Variants in WWOX observed in about 807,000 individuals in gnomAD.
WWOX encodes WW domain containing oxidoreductase.
A neutral mutation model predicts 46.2 loss-of-function variants in WWOX; 69 were observed. That is an observed-to-expected ratio of 1.49 (90% CI 1.23 to 1.82). The LOEUF (loss-of-function observed/expected upper bound fraction) is 1.82, where lower values mean the gene tolerates loss of function less well. Among genes scored for constraint, WWOX ranks in the 40% most tolerant of loss-of-function variants. WWOX has a pLI of 0.00. For synonymous variants in WWOX, 359 were observed against 202.6 expected (o/e 1.77, Z -6.56); for missense variants, 919 against 542.6 (o/e 1.69, Z -6.89).
intron 8 of WWOX, among the ~76,000 whole-genome samples, chr16:78,743,082 C>T (rs58213380): frequency 2.0e-5 from 3 of 152,050 alleles, no homozygotes; most frequent in Non-Finnish European, 4.4e-5. Context: ...CCCGATCAGC[C>T]CCCGAAGGAA....
At chr16:78,850,676 G>A (rs79002850) in intron 8 of WWOX, among the ~76,000 whole-genome samples, 3,696 of 152,192 alleles carry the variant, frequency 0.024, 147 homozygotes, top group African/African-American at 0.085. Context: ...GCCTCATCCA[G>A]GACCTACTTG....
chr16:78,620,370 A>C (rs1309407284), intron 8 of WWOX, among the ~76,000 whole-genome samples: 1 of 152,186 alleles, frequency 6.6e-6, no homozygotes. Context: ...TAGGTTTGAC[A>C]AGTTTCCTCC....
At chr16:78,528,037 C>T (rs369780793) in intron 8 of WWOX, among the ~76,000 whole-genome samples, 84 of 93,924 alleles carry the variant, frequency 8.9e-4, no homozygotes, top group African/African-American at 3.3e-3. Flanking sequence ...CTTGCTCTGT[C>T]GCCCAGGCTG....
At position 78,542,018 on chromosome 16, in the gene WWOX, CAAAAAAA is replaced by C. The variant is rs548366256; in HGVS notation, c.1056+109288_1056+109294del. On this transcript the variant is annotated intron_variant, in intron 8 of 8. Coordinates refer to ENST00000566780, the MANE Select transcript of WWOX (RefSeq NM_016373.4). ...GAGGGTTTCTTTCAACAGAGTATACCAAAAAAAAAAAAAAAAAAAAAAAAAAAAGTAA... is the reference window on the plus strand; with the variant it reads ...GAGGGTTTCTTTCAACAGAGTATACCAAAAAAAAAAAAAAAAAAAAAGTAA... Among the ~76,000 whole-genome samples, 309 of 40,638 alleles carry C rather than the reference CAAAAAAA, an allele frequency of 7.6e-3. 1 individual carries two copies. Among genetic ancestry groups the C allele is most frequent in the Middle Eastern group, 0.038 (1 of 26 alleles). The allele number at this position is 40,638 out of a possible 152,430, so 26.7% of individuals were successfully genotyped here.
intron 8 of WWOX, among the ~76,000 whole-genome samples, chr16:78,569,731 C>T (rs1029770858): frequency 2.0e-5 from 3 of 152,158 alleles, no homozygotes; most frequent in Admixed American, 6.5e-5. Flanking sequence ...CATTAGTGAA[C>T]GTTTTCATTT....
chr16:78,893,338 C>T (rs1389658989), intron 8 of WWOX, among the ~76,000 whole-genome samples: 1 of 152,126 alleles, frequency 6.6e-6, no homozygotes, highest in Admixed American at 6.5e-5. Context: ...TCGCCTGTCC[C>T]CTCTCACATG....
At chr16:78,443,135 CA>C (rs759618827) in intron 8 of WWOX, among the ~76,000 whole-genome samples, 159 of 40,286 alleles carry the variant, frequency 3.9e-3, no homozygotes, top group Admixed American at 5.8e-3. Context: ...GACTCCATCT[CA>C]AAAAAAAAAA....
At chr16:78,333,441 T>C (rs955115716) in intron 5 of WWOX, among the ~76,000 whole-genome samples, 1 of 152,192 alleles carries the variant, frequency 6.6e-6, no homozygotes, top group African/African-American at 2.4e-5. Context: ...TCATGGTATT[T>C]AGTGAGTGTA....
At chr16:78,557,971 G>A (rs2044347279) in intron 8 of WWOX, among the ~76,000 whole-genome samples, 1 of 152,008 alleles carries the variant, frequency 6.6e-6, no homozygotes, top group South Asian at 2.1e-4. Context: ...TGCAGAGCAG[G>A]AATTTCATTG....
chr16:78,607,665 C>G (rs1043072380), intron 8 of WWOX, among the ~76,000 whole-genome samples: 1 of 133,738 alleles, frequency 7.5e-6, no homozygotes, highest in Non-Finnish European at 1.6e-5. Context: ...TTTTGGCTGT[C>G]TACAGAGAAG....
At chr16:78,145,079 C>G (rs551459347) in intron 4 of WWOX, among the ~76,000 whole-genome samples, 240 of 152,244 alleles carry the variant, frequency 1.6e-3, no homozygotes, top group African/African-American at 5.6e-3. Flanking sequence ...AATTTATTGT[C>G]TCATAGTTCT....
intron 8 of WWOX, among the ~76,000 whole-genome samples, chr16:78,440,623 T>TC (rs1255108397): frequency 6.6e-6 from 1 of 151,704 alleles, no homozygotes; most frequent in African/African-American, 2.4e-5. Context: ...TTTTTTTTTT[T>TC]TCTTTTTTTT....
chr16:79,009,365 T>G (rs1402801501), intron 8 of WWOX, among the ~76,000 whole-genome samples: 2 of 152,142 alleles, frequency 1.3e-5, no homozygotes, highest in Non-Finnish European at 2.9e-5. Flanking sequence ...CACAAATGCT[T>G]ATGGAGCTCT....
At chr16:79,124,983 C>A (rs2049719636) in intron 8 of WWOX, among the ~76,000 whole-genome samples, 1 of 151,714 alleles carries the variant, frequency 6.6e-6, no homozygotes, top group Non-Finnish European at 1.5e-5. Context: ...CATTCACATT[C>A]ATTTCTGTTA....
At chr16:78,726,786 G>A (rs2048846853) in intron 8 of WWOX, among the ~76,000 whole-genome samples, 1 of 152,148 alleles carries the variant, frequency 6.6e-6, no homozygotes, top group African/African-American at 2.4e-5. Context: ...AGTTGCATGG[G>A]GCAATGAGGA....
chr16:78,351,232 G>A (rs1286281749), intron 5 of WWOX, among the ~76,000 whole-genome samples: 1 of 152,172 alleles, frequency 6.6e-6, no homozygotes, highest in Non-Finnish European at 1.5e-5. Context: ...AACAAACACT[G>A]CTCCCCGATT....
intron 5 of WWOX, among the ~76,000 whole-genome samples, chr16:78,278,389 G>C (rs541682597): frequency 6.6e-6 from 1 of 152,296 alleles, no homozygotes; most frequent in South Asian, 2.1e-4. Flanking sequence ...TGGAAGGAAG[G>C]AGCTTCCTGT....
intron 8 of WWOX, among the ~76,000 whole-genome samples, chr16:78,807,237 C>T (rs967370394): frequency 6.6e-6 from 1 of 152,192 alleles, no homozygotes; most frequent in Non-Finnish European, 1.5e-5. Flanking sequence ...TGAGTCGCAA[C>T]ATGCCACTGG....
intron 8 of WWOX, among the ~76,000 whole-genome samples, chr16:78,922,755 G>C (rs2045408187): frequency 6.6e-6 from 1 of 152,174 alleles, no homozygotes; most frequent in South Asian, 2.1e-4. Flanking sequence ...GAAGGAAGCT[G>C]AGGCTCACAG....
Sources: allele counts gnomAD v4.1 joint callset (sites outside exome capture counted in the v4.1 genomes callset), GRCh38; gene constraint gnomAD v4.1.1; transcripts MANE v1.5; gene names NCBI Gene and HGNC (gene_info 2026-07-23, HGNC 2026-07-21).